The following KIAA0232 variants were observed in gnomAD, a reference collection of about 807,000 sequenced individuals.
KIAA0232 encodes KIAA0232.
KIAA0232 carries 27 observed loss-of-function variants against 122.0 expected under a neutral mutation model. The observed-to-expected ratio is 0.22, with a 90% CI of 0.16 to 0.31. The LOEUF (loss-of-function observed/expected upper bound fraction) is 0.31. KIAA0232 is among the 10% of genes least tolerant of loss of function. The pLI, the probability that KIAA0232 is intolerant of heterozygous loss-of-function variation, is 1.00. For missense variants in KIAA0232, 1,551 were observed against 1,634.2 expected (o/e 0.95, Z 0.88); for synonymous variants, 613 against 587.6 (o/e 1.04, Z -0.63).
At chr4:6,868,958 G>GT (rs1267682372) in intron 7 of KIAA0232, among the ~76,000 whole-genome samples, 10 of 152,154 alleles carry the variant, frequency 6.6e-5, no homozygotes, top group African/African-American at 2.4e-4. Flanking sequence ...AAGAAATGAT[G>GT]TATGAGATAG....
intron 4 of KIAA0232, among the ~76,000 whole-genome samples, chr4:6,848,976 T>G (rs564207023): frequency 1.3e-5 from 2 of 152,254 alleles, no homozygotes; most frequent in Non-Finnish European, 2.9e-5. Flanking sequence ...CTGGAGCATT[T>G]GAGGACACAC....
chr4:6,798,128 A>G (rs796731425), intron 1 of KIAA0232, among the ~76,000 whole-genome samples: 5 of 152,274 alleles, frequency 3.3e-5, no homozygotes, highest in African/African-American at 1.2e-4. Context: ...AGTGAATAGT[A>G]TGATAGAAAG....
chr4:6,817,446 A>G (rs1577369431), intron 2 of KIAA0232, among the ~76,000 whole-genome samples: 1 of 152,030 alleles, frequency 6.6e-6, no homozygotes, highest in Admixed American at 6.5e-5. Flanking sequence ...CGATCTCCTG[A>G]CCTCGTGATC....
intron 3 of KIAA0232, among the ~76,000 whole-genome samples, chr4:6,829,841 C>T (rs1257006810): frequency 6.6e-6 from 1 of 152,154 alleles, no homozygotes; most frequent in Non-Finnish European, 1.5e-5. Flanking sequence ...TGATAGTTGA[C>T]AGTAGGTCTC....
At chr4:6,848,799 G>A (rs540405801) in intron 4 of KIAA0232, among the ~76,000 whole-genome samples, 28 of 152,328 alleles carry the variant, frequency 1.8e-4, no homozygotes, top group African/African-American at 6.3e-4. Context: ...AATACATTAT[G>A]TACATTGCAG....
intron 3 of KIAA0232, 92 bp from the exon 4 acceptor site, chr4:6,841,975 G>T: frequency 7.1e-7 from 1 of 1,406,578 alleles, no homozygotes; most frequent in Non-Finnish European, 9.7e-7. Context: ...GAAATGCAAG[G>T]GGCCTTTTTG....
At chr4:6,799,027 C>T (rs1372541428) in intron 1 of KIAA0232, among the ~76,000 whole-genome samples, 1 of 152,040 alleles carries the variant, frequency 6.6e-6, no homozygotes, top group Admixed American at 6.6e-5. Flanking sequence ...GTTCTGGAGG[C>T]CAGAAGTCCA....
chr4:6,817,867 T>G (rs1718210978), intron 2 of KIAA0232, among the ~76,000 whole-genome samples: 1 of 152,202 alleles, frequency 6.6e-6, no homozygotes, highest in Non-Finnish European at 1.5e-5. Context: ...ATGTATAATA[T>G]AAAGGACTGG....
At chr4:6,871,705 A>C in intron 8 of KIAA0232, 23 bp downstream of exon 8, 8 of 1,305,606 alleles carry the variant, frequency 6.1e-6, no homozygotes, top group Non-Finnish European at 8.8e-6. Flanking sequence ...TTGTTAGTTC[A>C]TTTATTCATT....
chr4:6,867,810 C>T (rs1312013265), intron 7 of KIAA0232, among the ~76,000 whole-genome samples: 1 of 152,204 alleles, frequency 6.6e-6, no homozygotes, highest in African/African-American at 2.4e-5. Context: ...TTCCCCACTT[C>T]TAAAGACACA....
rs1299973021 is a variant in KIAA0232 at position 6,852,472 on chromosome 4, A to G, written c.370-4692A>G. 1.5e-4 allele frequency among the ~76,000 whole-genome samples: 23 copies of G among 152,200 alleles called. 1 individual carries two copies. Among genetic ancestry groups the G allele is most frequent in the Admixed American group, 1.5e-3 (23 of 15,282 alleles). On this transcript the variant is annotated intron_variant, in intron 4 of 9. Coordinates refer to ENST00000307659, the MANE Select transcript of KIAA0232 (RefSeq NM_014743.3). ...GCTTTCCAGTGAAACGATTACCATGATCACCAGTAGTCATTCTATCAGTAT... is the reference window on the plus strand; with the variant it reads ...GCTTTCCAGTGAAACGATTACCATGGTCACCAGTAGTCATTCTATCAGTAT...
chr4:6,802,313 G>A (rs1717419249), intron 1 of KIAA0232, among the ~76,000 whole-genome samples: 1 of 152,198 alleles, frequency 6.6e-6, no homozygotes, highest in Admixed American at 6.5e-5. Context: ...TGTCGGGTGA[G>A]GCAGTTCTCT....
At chr4:6,787,152 G>A (rs1192679796) in intron 1 of KIAA0232, among the ~76,000 whole-genome samples, 1 of 128,074 alleles carries the variant, frequency 7.8e-6, no homozygotes, top group African/African-American at 3.1e-5. Context: ...CTGGACTCCA[G>A]CCTGGCGACA....
chr4:6,861,622 C>T lies in KIAA0232; in HGVS notation c.1240C>T (p.Leu414=). ...TEPIAEYFVP[L]SRKSKLETTY... ...GCCAATTGCTGAATATTTTGTTCCT[C>T]TGAGCAGAAAAAGTAAACTAGAGAC... Residue 414 remains leucine (L), a synonymous_variant, in exon 7 of 10, where the codon CTG becomes TTG. Coordinates refer to ENST00000307659, the MANE Select transcript of KIAA0232 (RefSeq NM_014743.3). 1 of 1,613,988 alleles carries T rather than the reference C, an allele frequency of 6.2e-7. No homozygotes were observed.
intron 1 of KIAA0232, among the ~76,000 whole-genome samples, chr4:6,793,063 G>A (rs1177161019): frequency 6.6e-6 from 1 of 152,026 alleles, no homozygotes; most frequent in Admixed American, 6.6e-5. Context: ...CCAGTCCTAT[G>A]AAGACTTCAT....
chr4:6,790,323 C>T (rs934773705), intron 1 of KIAA0232, among the ~76,000 whole-genome samples: 62 of 150,798 alleles, frequency 4.1e-4, no homozygotes, highest in African/African-American at 1.4e-3. Context: ...GAATTGTTCA[C>T]CCAGTTTGGA....
At chr4:6,809,049 A>T (rs1717761318) in intron 2 of KIAA0232, among the ~76,000 whole-genome samples, 1 of 152,228 alleles carries the variant, frequency 6.6e-6, no homozygotes, top group African/African-American at 2.4e-5. Flanking sequence ...AGACAGTGGT[A>T]TGCCCTTACA....
intron 4 of KIAA0232, among the ~76,000 whole-genome samples, chr4:6,846,615 GACCAC>G (rs1282353641): frequency 2.0e-5 from 3 of 151,834 alleles, no homozygotes; most frequent in Non-Finnish European, 4.4e-5. Flanking sequence ...AAACACTGGG[GACCAC>G]TGCCTTAAAC....
chr4:6,844,026 G>A (rs1455792098), intron 4 of KIAA0232, among the ~76,000 whole-genome samples: 1 of 123,664 alleles, frequency 8.1e-6, no homozygotes, highest in African/African-American at 3.0e-5. Flanking sequence ...TGCAAGCTCC[G>A]CCTCCTGGGT....
Sources: gnomAD v4.1 joint callset for allele counts (sites outside exome capture counted in the v4.1 genomes callset) on GRCh38, gnomAD v4.1.1 for gene constraint, MANE v1.5 for transcripts, NCBI Gene and HGNC (gene_info 2026-07-23, HGNC 2026-07-21) for gene names.